Variants in NRXN1 observed in about 807,000 individuals in gnomAD.
NRXN1 encodes neurexin 1.
A neutral mutation model predicts 150.9 loss-of-function variants in NRXN1; 39 were observed. The ratio of observed to expected loss-of-function variants is 0.26; its 90% CI spans 0.20 to 0.34. NRXN1 has a LOEUF of 0.34. Among genes scored for constraint, NRXN1 ranks in the 10% least tolerant of loss-of-function variants. The pLI is 1.00. For missense variants in NRXN1, 1,815 were observed against 1,949.9 expected, an observed-to-expected ratio of 0.93 and a Z score of 1.30; for synonymous variants, 924 against 757.0, an observed-to-expected ratio of 1.22 and a Z score of -3.62.
At chr2:50,112,406 C>T (rs868659664) in intron 18 of NRXN1, among the ~76,000 whole-genome samples, 24 of 152,182 alleles carry the variant, frequency 1.6e-4, no homozygotes, top group African/African-American at 5.1e-4. Flanking sequence ...TGAAGCTGGT[C>T]CCTTCGTTGT....
intron 5 of NRXN1, among the ~76,000 whole-genome samples, chr2:50,639,206 C>A (rs200955168): frequency 1.0e-5 from 1 of 99,382 alleles, no homozygotes; most frequent in East Asian, 3.4e-4. Flanking sequence ...TCATTTTTTT[C>A]TTTCTTTCTT....
chr2:50,465,196 T>C (rs2088688582), intron 17 of NRXN1, among the ~76,000 whole-genome samples: 1 of 151,742 alleles, frequency 6.6e-6, no homozygotes, highest in Non-Finnish European at 1.5e-5. Flanking sequence ...TTGAACAAGG[T>C]GATCATTAGT....
At chr2:50,161,064 T>G (rs1278369819) in intron 18 of NRXN1, among the ~76,000 whole-genome samples, 2 of 152,158 alleles carry the variant, frequency 1.3e-5, no homozygotes, top group Admixed American at 1.3e-4. Context: ...TTGATATTTC[T>G]GTTTTCAATT....
chr2:50,699,426 G>A (rs1361635412), intron 5 of NRXN1, among the ~76,000 whole-genome samples: 2 of 152,148 alleles, frequency 1.3e-5, no homozygotes, highest in Non-Finnish European at 2.9e-5. Flanking sequence ...CTCATTGCAT[G>A]AGTTCTTCAA....
intron 5 of NRXN1, among the ~76,000 whole-genome samples, chr2:50,862,148 G>A (rs1345251039): frequency 6.6e-6 from 1 of 150,634 alleles, no homozygotes; most frequent in Non-Finnish European, 1.5e-5. Flanking sequence ...GTTTCAGTGA[G>A]CAGAGATTGT....
intron 12 of NRXN1, among the ~76,000 whole-genome samples, chr2:50,517,383 A>T (rs2092661275): frequency 6.8e-6 from 1 of 146,722 alleles, no homozygotes; most frequent in African/African-American, 2.5e-5. Context: ...GTATTTGTTG[A>T]ATGGGTTTAT....
chr2:50,736,603 C>A (rs991405358), intron 5 of NRXN1, among the ~76,000 whole-genome samples: 1 of 152,110 alleles, frequency 6.6e-6, no homozygotes, highest in African/African-American at 2.4e-5. Flanking sequence ...GTGAATAAGT[C>A]TCACAAGATC....
chr2:50,264,623 A>T (rs1399820651), intron 17 of NRXN1, among the ~76,000 whole-genome samples: 1 of 152,198 alleles, frequency 6.6e-6, no homozygotes, highest in African/African-American at 2.4e-5. Flanking sequence ...GTAGGCTGTC[A>T]TGTTCTCCAG....
At chr2:50,608,608 C>A (rs1210199977) in intron 8 of NRXN1, among the ~76,000 whole-genome samples, 1 of 151,708 alleles carries the variant, frequency 6.6e-6, no homozygotes, top group Non-Finnish European at 1.5e-5. Flanking sequence ...GATAATAAAC[C>A]AAATAATTAT....
chr2:50,183,251 A>G (rs1182845040), intron 18 of NRXN1, among the ~76,000 whole-genome samples: 1 of 152,088 alleles, frequency 6.6e-6, no homozygotes, highest in African/African-American at 2.4e-5. Context: ...AAATAACACA[A>G]TTGAATAAAA....
At chr2:49,929,344 C>T (rs1244848103) in intron 22 of NRXN1, among the ~76,000 whole-genome samples, 1 of 152,172 alleles carries the variant, frequency 6.6e-6, no homozygotes, top group Non-Finnish European at 1.5e-5. Context: ...GCCATAGGAT[C>T]ATGGTATTTA....
At chr2:50,462,334 GA>G (rs1170399178) in intron 17 of NRXN1, among the ~76,000 whole-genome samples, 2 of 151,412 alleles carry the variant, frequency 1.3e-5, no homozygotes, top group South Asian at 2.1e-4. Flanking sequence ...AGCCAGAGGA[GA>G]AAAAAAATAT....
Position 49,918,995 on chromosome 2 carries a change from A to G in NRXN1, c.*2949T>C, listed in dbSNP as rs191362325. On this transcript the variant is annotated 3_prime_UTR_variant, in exon 23 of 23. Transcript: ENST00000401669. Reference sequence around the variant, plus strand: ...AAGAAGAAAACCCCTTTGATACCCAATCACACAAAGCACTAGAAGGGTAGG... The same window carrying G: ...AAGAAGAAAACCCCTTTGATACCCAGTCACACAAAGCACTAGAAGGGTAGG... 1.3e-5 allele frequency: 2 copies of G among 152,274 alleles called. No individual in the cohort carries two copies. Among genetic ancestry groups the G allele is most frequent in the African/African-American group, 4.8e-5 (2 of 41,592 alleles). The allele number at this position is 152,274 out of a possible 1,614,324, so 9.4% of individuals were successfully genotyped here.
At chr2:50,875,392 A>G (rs1678417919) in intron 5 of NRXN1, among the ~76,000 whole-genome samples, 2 of 151,762 alleles carry the variant, frequency 1.3e-5, no homozygotes, top group Admixed American at 1.3e-4. Flanking sequence ...CCATGAGACA[A>G]TCCATCTAAA....
chr2:50,776,300 G>T (rs1156778433), intron 5 of NRXN1, among the ~76,000 whole-genome samples: 1 of 151,938 alleles, frequency 6.6e-6, no homozygotes, highest in Non-Finnish European at 1.5e-5. Flanking sequence ...TTTTCTGCTG[G>T]ATTTAAGTAA....
chr2:50,852,485 G>T (rs989552969), intron 5 of NRXN1, among the ~76,000 whole-genome samples: 1 of 152,010 alleles, frequency 6.6e-6, no homozygotes, highest in East Asian at 1.9e-4. Flanking sequence ...CCCAATGGAG[G>T]GTCATATTTC....
At chr2:50,486,217 T>C (rs936341196) in intron 15 of NRXN1, among the ~76,000 whole-genome samples, 5 of 152,146 alleles carry the variant, frequency 3.3e-5, no homozygotes, top group African/African-American at 1.2e-4. Context: ...GCCCTTAACA[T>C]GATGCATGAC....
intron 17 of NRXN1, among the ~76,000 whole-genome samples, chr2:50,358,855 T>C (rs974371227): frequency 3.9e-5 from 6 of 152,154 alleles, no homozygotes; most frequent in African/African-American, 7.2e-5. Context: ...CTGGCAGGTG[T>C]CCCACTGGGA....
intron 17 of NRXN1, among the ~76,000 whole-genome samples, chr2:50,379,935 T>C (rs1016598016): frequency 2.0e-5 from 3 of 152,096 alleles, no homozygotes; most frequent in South Asian, 2.1e-4. Context: ...CAGTAAATAG[T>C]AGTAACAAGT....
Sources: gnomAD v4.1 joint callset for allele counts (sites outside exome capture counted in the v4.1 genomes callset) on GRCh38, gnomAD v4.1.1 for gene constraint, MANE v1.5 for transcripts, NCBI Gene and HGNC (gene_info 2026-07-23, HGNC 2026-07-21) for gene names.